The following CTNNA3 variants were observed in gnomAD, a reference collection of about 807,000 sequenced individuals.
CTNNA3 encodes the protein catenin alpha-3.
Under a neutral mutation model 95.7 loss-of-function variants are expected in CTNNA3, and 76 were observed. The ratio of observed to expected loss-of-function variants is 0.79; its 90% CI spans 0.66 to 0.96. CTNNA3 has a LOEUF of 0.96. Among genes scored for constraint, CTNNA3 ranks in the 40% least tolerant of loss-of-function variants. The probability of loss-of-function intolerance (pLI) is 0.00; values close to 1 mark genes in which losing one functional copy is unlikely to be tolerated. For missense variants in CTNNA3, 1,191 were observed against 1,089.8 expected (o/e 1.09, Z -1.31); for synonymous variants, 431 against 374.4 (o/e 1.15, Z -1.74).
chr10:66,113,154 A>G lies in CTNNA3; in HGVS notation c.1885-9905T>C, dbSNP rs559328389. ...CTTATCTTTTCTGTGGCTGTTGATA[A>G]TAGGTATCCTAAGAAGTGTGAAGTG... On this transcript the variant is annotated intron_variant, in intron 13 of 17. Transcript: ENST00000433211. Among the ~76,000 whole-genome samples, 43 of 152,236 alleles carry G rather than the reference A, an allele frequency of 2.8e-4. No individual in the cohort carries two copies. The South Asian group carries it at 7.7e-3, about 27-fold the overall frequency.
At chr10:66,360,532 C>G (rs73303490) in intron 12 of CTNNA3, among the ~76,000 whole-genome samples, 2,605 of 152,178 alleles carry the variant, frequency 0.017, 69 homozygotes, top group African/African-American at 0.06. Flanking sequence ...TTTTTTGGAC[C>G]AGTATGTGCT....
intron 9 of CTNNA3, among the ~76,000 whole-genome samples, chr10:66,739,986 C>T (rs946268500): frequency 2.6e-5 from 4 of 152,096 alleles, no homozygotes; most frequent in South Asian, 4.1e-4. Context: ...TGCAAGATAA[C>T]GTGGGAATGG....
intron 13 of CTNNA3, among the ~76,000 whole-genome samples, chr10:66,215,250 A>G (rs1395951524): frequency 6.6e-6 from 1 of 152,214 alleles, no homozygotes; most frequent in Non-Finnish European, 1.5e-5. Flanking sequence ...TCTGAAGGGA[A>G]CATCAGCAGG....
At chr10:66,462,662 AG>A (rs2093537681) in intron 11 of CTNNA3, among the ~76,000 whole-genome samples, 1 of 152,186 alleles carries the variant, frequency 6.6e-6, no homozygotes, top group Non-Finnish European at 1.5e-5. Flanking sequence ...GTATATGTTA[AG>A]CATCTTACAA....
At chr10:66,891,394 G>T (rs181126657) in intron 7 of CTNNA3, among the ~76,000 whole-genome samples, 47 of 152,182 alleles carry the variant, frequency 3.1e-4, no homozygotes, top group Admixed American at 3.0e-3. Flanking sequence ...ACTATGGAAG[G>T]CCTCATTCAA....
intron 10 of CTNNA3, among the ~76,000 whole-genome samples, chr10:66,584,271 G>A (rs1222578087): frequency 6.6e-6 from 1 of 151,832 alleles, no homozygotes; most frequent in Non-Finnish European, 1.5e-5. Flanking sequence ...AGTGCTGTTA[G>A]AGGAGTGTTG....
chr10:66,561,973 T>C (rs1240847385), intron 10 of CTNNA3, among the ~76,000 whole-genome samples: 5 of 152,146 alleles, frequency 3.3e-5, no homozygotes, highest in South Asian at 2.1e-4. Context: ...GTACCACATA[T>C]GAGATGGCTC....
intron 7 of CTNNA3, among the ~76,000 whole-genome samples, chr10:67,035,006 T>C (rs1853957737): frequency 6.6e-6 from 1 of 152,222 alleles, no homozygotes; most frequent in Non-Finnish European, 1.5e-5. Context: ...AAATCACTTA[T>C]TTCAAGAAGC....
intron 2 of CTNNA3, among the ~76,000 whole-genome samples, chr10:67,621,748 CA>C (rs3059973): frequency 9.3e-4 from 105 of 113,442 alleles, no homozygotes; most frequent in Admixed American, 1.2e-3. Flanking sequence ...GACATCATCT[CA>C]AAAAAAAAAA....
intron 15 of CTNNA3, among the ~76,000 whole-genome samples, chr10:66,058,567 C>G (rs1412704182): frequency 6.6e-6 from 1 of 152,144 alleles, no homozygotes; most frequent in East Asian, 1.9e-4. Context: ...CCCCCATTGT[C>G]CAGTCAGATC....
At chr10:66,280,725 T>A in intron 12 of CTNNA3, 104 bp from the exon 13 acceptor site, 1 of 733,496 alleles carries the variant, frequency 1.4e-6, no homozygotes, top group Non-Finnish European at 2.1e-6. Flanking sequence ...AATATTTGAT[T>A]AATAGATCTT....
intron 7 of CTNNA3, among the ~76,000 whole-genome samples, chr10:67,068,177 G>T (rs71496030): frequency 3.3e-5 from 5 of 152,130 alleles, no homozygotes; most frequent in African/African-American, 4.8e-5. Context: ...AGAAGAGAAG[G>T]GGGGAAGGAT....
chr10:66,030,298 T>C (rs1002790124), intron 15 of CTNNA3, among the ~76,000 whole-genome samples: 1 of 151,996 alleles, frequency 6.6e-6, no homozygotes, highest in Non-Finnish European at 1.5e-5. Context: ...GCAGAAAACA[T>C]CACATTACTA....
At chr10:67,380,786 A>G (rs1843911825) in intron 5 of CTNNA3, among the ~76,000 whole-genome samples, 1 of 152,222 alleles carries the variant, frequency 6.6e-6, no homozygotes, top group South Asian at 2.1e-4. Flanking sequence ...GGAGAGAGCA[A>G]CTACTATAAA....
At chr10:66,201,685 T>A (rs78330009) in intron 13 of CTNNA3, among the ~76,000 whole-genome samples, 187 of 152,232 alleles carry the variant, frequency 1.2e-3, no homozygotes, top group African/African-American at 4.3e-3. Flanking sequence ...TTCCAAAGCT[T>A]GCCTGCTGTT....
intron 14 of CTNNA3, among the ~76,000 whole-genome samples, chr10:66,092,514 C>A (rs781338947): frequency 1.1e-4 from 16 of 151,908 alleles, no homozygotes; most frequent in Non-Finnish European, 2.4e-4. Flanking sequence ...ATTTTCTTCT[C>A]AGAACTTCTC....
At position 66,548,069 on chromosome 10, in the gene CTNNA3, C is replaced by G. The variant is rs530676383; in HGVS notation, c.1375-27296G>C. 1.7e-4 allele frequency among the ~76,000 whole-genome samples: 26 copies of G among 152,152 alleles called. No homozygotes were observed. In the South Asian group the frequency reaches 5.2e-3, roughly 30 times the overall value. On this transcript the variant is annotated intron_variant, in intron 10 of 17. Coordinates refer to ENST00000433211, the MANE Select transcript of CTNNA3 (RefSeq NM_013266.4). ...TAGTTGGGATTACAGGCATGTGCCA[C>G]CATGTCCGGCTCCCATTTTGTATTT...
rs544592051 is a variant in CTNNA3 at position 67,714,299 on chromosome 10, G to T, written c.-2+49135C>A. 2.6e-5 allele frequency among the ~76,000 whole-genome samples: 4 copies of T among 152,328 alleles called. No homozygotes were observed. The South Asian group carries it at 8.3e-4, about 32-fold the overall frequency. ...GGAAGTGTACCCTGCAAAGCCACAG[G>T]GGCAGAGCTGCCCAAGACTATGGGA... is the stretch of plus-strand genomic sequence containing the variant. On this transcript the variant is annotated intron_variant, in intron 1 of 17. Transcript: ENST00000684154.
chr10:66,054,055 G>T (rs1252123230), intron 15 of CTNNA3, among the ~76,000 whole-genome samples: 1 of 152,084 alleles, frequency 6.6e-6, no homozygotes, highest in Non-Finnish European at 1.5e-5. Flanking sequence ...CAAATGACAG[G>T]ATTTCATTCT....
Sources: gnomAD v4.1 joint callset for allele counts (sites outside exome capture counted in the v4.1 genomes callset) on GRCh38, gnomAD v4.1.1 for gene constraint, MANE v1.5 for transcripts, NCBI Gene and HGNC (gene_info 2026-07-23, HGNC 2026-07-21) for gene names.